Variants in RMST observed in about 807,000 individuals in gnomAD.
The protein encoded by RMST is long intergenic non-protein coding RNA 54.
chr12:97,503,631 C>G (rs925359513), intron 10 of RMST, among the ~76,000 whole-genome samples: 1 of 152,174 alleles, frequency 6.6e-6, no homozygotes, highest in African/African-American at 2.4e-5. Context: ...CTCGTGATGT[C>G]TGGCTGCAAA....
At chr12:97,517,805 T>C (rs1049392275) in intron 10 of RMST, among the ~76,000 whole-genome samples, 1 of 152,218 alleles carries the variant, frequency 6.6e-6, no homozygotes, top group Non-Finnish European at 1.5e-5. Flanking sequence ...TGGGCTTCTG[T>C]AGTTACTTTT....
At chr12:97,481,581 A>G (rs897313911) in intron 5 of RMST, among the ~76,000 whole-genome samples, 1 of 152,158 alleles carries the variant, frequency 6.6e-6, no homozygotes, top group African/African-American at 2.4e-5. Flanking sequence ...CCCCAAAAAT[A>G]CTACACATGC....
At chr12:97,495,184 G>A (rs1287439531) in intron 9 of RMST, among the ~76,000 whole-genome samples, 1 of 150,208 alleles carries the variant, frequency 6.7e-6, no homozygotes, top group Admixed American at 6.6e-5. Context: ...TATGGGGGGG[G>A]AGCCGCTGGG....
At chr12:97,486,144 G>A (rs1593156789) in intron 5 of RMST, among the ~76,000 whole-genome samples, 1 of 152,198 alleles carries the variant, frequency 6.6e-6, no homozygotes, top group East Asian at 1.9e-4. Context: ...AAAAAATACA[G>A]GTATAGACAT....
intron 5 of RMST, among the ~76,000 whole-genome samples, chr12:97,472,641 G>A (rs577560583): frequency 6.6e-6 from 1 of 152,100 alleles, no homozygotes; most frequent in East Asian, 1.9e-4. Context: ...TCTTTTGGTT[G>A]GGTAACTAAA....
intron 5 of RMST, among the ~76,000 whole-genome samples, chr12:97,481,073 G>A (rs1875214272): frequency 2.0e-5 from 3 of 152,172 alleles, no homozygotes; most frequent in Admixed American, 6.5e-5. Flanking sequence ...GCACAGAACT[G>A]GAACGATCTT....
intron 10 of RMST, among the ~76,000 whole-genome samples, chr12:97,504,287 G>T (rs751511968): frequency 6.6e-6 from 1 of 151,650 alleles, no homozygotes; most frequent in Non-Finnish European, 1.5e-5. Context: ...GCCTGTAGTC[G>T]CAGATACTTG....
chr12:97,495,174 T>A (rs1467570534), intron 9 of RMST, among the ~76,000 whole-genome samples: 1 of 59,908 alleles, frequency 1.7e-5, no homozygotes, highest in Admixed American at 1.3e-4. Context: ...TCATTATTCT[T>A]ATGGGGGGGG....
At chr12:97,543,129 A>C (rs1882676229) in intron 11 of RMST, among the ~76,000 whole-genome samples, 1 of 152,056 alleles carries the variant, frequency 6.6e-6, no homozygotes, top group African/African-American at 2.4e-5. Flanking sequence ...AAACCAGTGT[A>C]CATATGTCTA....
chr12:97,539,321 C>A (rs759628424), intron 11 of RMST, among the ~76,000 whole-genome samples: 1 of 151,526 alleles, frequency 6.6e-6, no homozygotes, highest in Non-Finnish European at 1.5e-5. Flanking sequence ...TTGGAAAATA[C>A]TCCATGGACA....
intron 11 of RMST, among the ~76,000 whole-genome samples, chr12:97,557,144 T>G (rs1883762874): frequency 1.3e-5 from 2 of 152,234 alleles, no homozygotes; most frequent in African/African-American, 4.8e-5. Context: ...CTTTTATGAC[T>G]TGGGTGTTGT....
rs574684409 is a variant in RMST, at chr12:97,548,355, A to C, written n.1546-12182A>C. ...GCTTCCAGCCTTGTTCTTTTTGCTT[A>C]AGATTGCTTTGGCTATTCACAGTCT... On this transcript the variant is annotated intron_variant and non_coding_transcript_variant, in intron 11 of 13. Coordinates refer to ENST00000640149, the Ensembl canonical transcript of RMST. 6.0e-4 allele frequency among the ~76,000 whole-genome samples: 91 copies of C among 152,250 alleles called. 1 individual carries two copies. Among genetic ancestry groups the C allele is most frequent in the African/African-American group, 2.1e-3 (86 of 41,572 alleles).
At chr12:97,504,585 T>C (rs1878466820) in intron 10 of RMST, among the ~76,000 whole-genome samples, 1 of 152,040 alleles carries the variant, frequency 6.6e-6, no homozygotes, top group African/African-American at 2.4e-5. Flanking sequence ...GTGTAAAGAG[T>C]ATGATATCAT....
chr12:97,540,661 A>G (rs1012642459), intron 11 of RMST, among the ~76,000 whole-genome samples: 1 of 151,688 alleles, frequency 6.6e-6, no homozygotes, highest in Non-Finnish European at 1.5e-5. Context: ...ACCCATTTGG[A>G]AAGAAAAGAA....
At chr12:97,560,609 A>AAGTC (rs1264737512) in exon 12 of RMST, 1 of 152,208 alleles carries the variant, frequency 6.6e-6, no homozygotes, top group Non-Finnish European at 1.5e-5. Context: ...GATGCTGGAT[A>AAGTC]AGTCGACGGA....
intron 5 of RMST, among the ~76,000 whole-genome samples, chr12:97,467,448 A>G (rs917853680): frequency 2.6e-5 from 4 of 152,048 alleles, no homozygotes; most frequent in Non-Finnish European, 5.9e-5. Flanking sequence ...TATAAATGCT[A>G]ATTAGACAAA....
intron 11 of RMST, among the ~76,000 whole-genome samples, chr12:97,559,300 C>T (rs1883942828): frequency 6.6e-6 from 1 of 152,172 alleles, no homozygotes; most frequent in Non-Finnish European, 1.5e-5. Context: ...ACGCAGAGTT[C>T]ATCTTCAACA....
intron 10 of RMST, among the ~76,000 whole-genome samples, chr12:97,516,093 A>G (rs765439072): frequency 6.6e-6 from 1 of 152,062 alleles, no homozygotes; most frequent in Non-Finnish European, 1.5e-5. Context: ...TCCTATGATG[A>G]ATCTCCAGTT....
intron 10 of RMST, among the ~76,000 whole-genome samples, chr12:97,500,325 C>T (rs1177984173): frequency 6.6e-6 from 1 of 152,138 alleles, no homozygotes; most frequent in Non-Finnish European, 1.5e-5. Flanking sequence ...TGGTCATATA[C>T]TGACTGAATC....
Sources: gnomAD v4.1 joint callset for allele counts (sites outside exome capture counted in the v4.1 genomes callset) on GRCh38, gnomAD v4.1.1 for gene constraint, MANE v1.5 for transcripts, NCBI Gene and HGNC (gene_info 2026-07-23, HGNC 2026-07-21) for gene names.